Variants in FOCAD observed in about 807,000 individuals in gnomAD.
FOCAD encodes the protein focadhesin.
In FOCAD, 198 loss-of-function variants were observed where a neutral mutation model predicts 225.6. The ratio of observed to expected loss-of-function variants is 0.88; its 90% confidence interval spans 0.78 to 0.99. The LOEUF is 0.99. Ranked by LOEUF, FOCAD falls within the 50% of genes least tolerant of loss-of-function variation. FOCAD has a pLI of 0.00. For missense variants in FOCAD, 2,713 were observed against 2,123.6 expected (o/e 1.28, Z -5.46); for synonymous variants, 897 against 755.0 (o/e 1.19, Z -3.08).
intron 38 of FOCAD, among the ~76,000 whole-genome samples, chr9:20,982,093 A>G (rs1479782394): frequency 2.0e-5 from 3 of 152,192 alleles, no homozygotes; most frequent in South Asian, 2.1e-4. Context: ...GTAATTTTAC[A>G]AAGAGGTTAG....
intron 15 of FOCAD, among the ~76,000 whole-genome samples, chr9:20,843,638 A>G (rs939434320): frequency 3.3e-5 from 5 of 151,986 alleles, no homozygotes; most frequent in African/African-American, 9.7e-5. Context: ...TTGAATATTG[A>G]TATCTTTCTC....
chr9:20,813,241 CTG>C (rs1384736640), intron 11 of FOCAD, among the ~76,000 whole-genome samples: 1 of 152,140 alleles, frequency 6.6e-6, no homozygotes, highest in Non-Finnish European at 1.5e-5. Context: ...ATATACCACA[CTG>C]TGTTTATCCA....
intron 11 of FOCAD, among the ~76,000 whole-genome samples, chr9:20,814,526 T>C (rs887900390): frequency 6.6e-6 from 1 of 151,990 alleles, no homozygotes; most frequent in African/African-American, 2.4e-5. Context: ...CCAGCTAATT[T>C]CTGTGTTTTT....
chr9:20,753,924 A>G (rs911503411), intron 5 of FOCAD, among the ~76,000 whole-genome samples: 26 of 152,182 alleles, frequency 1.7e-4, no homozygotes, highest in Non-Finnish European at 3.7e-4. Flanking sequence ...ATCCTTTTGA[A>G]TAAAGTGTTG....
chr9:20,868,241 A>G (rs1311679203), intron 18 of FOCAD, among the ~76,000 whole-genome samples: 1 of 152,254 alleles, frequency 6.6e-6, no homozygotes, highest in East Asian at 1.9e-4. Flanking sequence ...TAGCTACAGC[A>G]TCTGGAGAGG....
chr9:20,983,400 C>T (rs538065702), intron 39 of FOCAD, among the ~76,000 whole-genome samples: 12 of 151,860 alleles, frequency 7.9e-5, no homozygotes, highest in South Asian at 4.2e-4. Context: ...GGTGAAACCC[C>T]GTCTCTACTA....
At chr9:20,680,881 C>T (rs547452114), upstream of FOCAD, among the ~76,000 whole-genome samples, 1 of 152,220 alleles carries the variant, frequency 6.6e-6, no homozygotes, top group South Asian at 2.1e-4. Flanking sequence ...TGCCTGCAGA[C>T]CCAGCTACTT....
At chr9:20,846,365 A>G (rs1373674055) in intron 15 of FOCAD, among the ~76,000 whole-genome samples, 1 of 152,100 alleles carries the variant, frequency 6.6e-6, no homozygotes, top group Non-Finnish European at 1.5e-5. Flanking sequence ...AACCAGAGCC[A>G]ACCTAGATGG....
intron 21 of FOCAD, among the ~76,000 whole-genome samples, chr9:20,896,078 G>A (rs1587537646): frequency 6.6e-6 from 1 of 151,844 alleles, no homozygotes; most frequent in East Asian, 1.9e-4. Context: ...ATGAAAAACT[G>A]TTCGATTTTG....
chr9:20,765,106 T>G, intron 7 of FOCAD, 33 bp downstream of exon 7: 1 of 1,566,502 alleles, frequency 6.4e-7, no homozygotes, highest in South Asian at 1.2e-5. Flanking sequence ...CAAATATAGG[T>G]CAGCATCAGT....
chr9:20,854,862 G>C (rs1370319329), intron 15 of FOCAD, among the ~76,000 whole-genome samples: 2 of 151,722 alleles, frequency 1.3e-5, no homozygotes, highest in African/African-American at 4.8e-5. Flanking sequence ...TTCAATGGTA[G>C]ATTTAGCATT....
intron 30 of FOCAD, among the ~76,000 whole-genome samples, chr9:20,947,709 A>G (rs568235530): frequency 3.4e-3 from 525 of 152,278 alleles, no homozygotes; most frequent in African/African-American, 0.012. Context: ...TACACATGCT[A>G]TAGAATTTCC....
At chr9:20,853,859 A>T (rs1314841018) in intron 15 of FOCAD, among the ~76,000 whole-genome samples, 3 of 151,736 alleles carry the variant, frequency 2.0e-5, no homozygotes, top group African/African-American at 4.8e-5. Context: ...CTAACCCTAT[A>T]TTATTAGGAT....
intron 15 of FOCAD, among the ~76,000 whole-genome samples, chr9:20,861,271 A>G (rs1828750142): frequency 1.3e-5 from 2 of 152,054 alleles, no homozygotes; most frequent in African/African-American, 2.4e-5. Context: ...TCATCTTTAT[A>G]TTTTGTTGTT....
At chr9:20,701,225 A>G (rs1313583314) in intron 1 of FOCAD, among the ~76,000 whole-genome samples, 1 of 152,198 alleles carries the variant, frequency 6.6e-6, no homozygotes, top group Non-Finnish European at 1.5e-5. Context: ...AGGAACTGAG[A>G]AAGAACATGC....
chr9:20,734,536 G>T (rs1232382326), intron 4 of FOCAD, among the ~76,000 whole-genome samples: 1 of 152,126 alleles, frequency 6.6e-6, no homozygotes, highest in African/African-American at 2.4e-5. Context: ...CTTATTAACA[G>T]CTGTAGAGTA....
intron 35 of FOCAD, among the ~76,000 whole-genome samples, chr9:20,974,136 C>G (rs1428268155): frequency 1.3e-5 from 2 of 148,498 alleles, no homozygotes; most frequent in Non-Finnish European, 3.0e-5. Context: ...TCTCCTTTTT[C>G]CTATGTTTCT....
intron 6 of FOCAD, among the ~76,000 whole-genome samples, chr9:20,764,410 C>T (rs771469985): frequency 5.3e-5 from 8 of 152,282 alleles, no homozygotes; most frequent in Middle Eastern, 3.4e-3. Flanking sequence ...CATGCCACCA[C>T]GCCCAGCTAA....
At chr9:20,699,752 AAAAAAAAAAAAAAAAAAAAAAATATATAT>A (rs1334546845) in intron 1 of FOCAD, among the ~76,000 whole-genome samples, 20 of 51,644 alleles carry the variant, frequency 3.9e-4, no homozygotes, top group Middle Eastern at 0.011. Context: ...AAAAAAAAAA[AAAAAAAAAAAAAAAAAAAAAAATATATAT>A]ATATATATAT....
Sources: allele counts gnomAD v4.1 joint callset (sites outside exome capture counted in the v4.1 genomes callset), GRCh38; gene constraint gnomAD v4.1.1; transcripts MANE v1.5; gene names NCBI Gene and HGNC (gene_info 2026-07-23, HGNC 2026-07-21).